Variants in CCDC14 observed in about 807,000 individuals in gnomAD.
CCDC14 encodes coiled-coil domain-containing protein 14.
In CCDC14, 71 loss-of-function variants were observed where a neutral mutation model predicts 81.4. The observed-to-expected ratio is 0.87, with a 90% CI of 0.72 to 1.06. CCDC14 has a LOEUF of 1.06. Among genes scored for constraint, CCDC14 ranks in the 50% least tolerant of loss-of-function variants. The pLI is 0.00. For synonymous variants in CCDC14, 332 were observed against 364.8 expected (o/e 0.91, Z 1.03); for missense variants, 1,046 against 1,047.3 (o/e 1.00, Z 0.02).
intron 9 of CCDC14, among the ~76,000 whole-genome samples, chr3:123,943,355 A>G (rs925777848): frequency 6.6e-6 from 1 of 152,028 alleles, no homozygotes; most frequent in African/African-American, 2.4e-5. Context: ...TAGGCCTCAG[A>G]AGCAGGCCTC....
chr3:123,922,500 T>C (rs2035111893), intron 12 of CCDC14, among the ~76,000 whole-genome samples: 2 of 151,938 alleles, frequency 1.3e-5, no homozygotes. Flanking sequence ...GAGAGAAGAC[T>C]TAAATGAATC....
downstream of CCDC14, among the ~76,000 whole-genome samples, chr3:123,909,964 CATG>C: frequency 6.6e-6 from 1 of 152,282 alleles, no homozygotes. Flanking sequence ...TCAGTTTCCA[CATG>C]ATAATTTTCA....
intron 12 of CCDC14, among the ~76,000 whole-genome samples, chr3:123,916,314 T>C (rs574066469): frequency 1.3e-5 from 2 of 152,156 alleles, no homozygotes; most frequent in South Asian, 4.2e-4. Flanking sequence ...GGTTTATTCT[T>C]GAGCAGCACT....
chr3:123,898,812 T>A (rs2034122632), intron 5 of CCDC14, among the ~76,000 whole-genome samples: 1 of 151,982 alleles, frequency 6.6e-6, no homozygotes, highest in Non-Finnish European at 1.5e-5. Flanking sequence ...CTCGGCCTCC[T>A]GAGTAGCTGC....
chr3:123,901,738 G>GA (rs1056396874), intron 5 of CCDC14, among the ~76,000 whole-genome samples: 5 of 152,184 alleles, frequency 3.3e-5, no homozygotes, highest in South Asian at 2.1e-4. Flanking sequence ...CAATGTGTCT[G>GA]AAAAAATCTT....
intron 12 of CCDC14, among the ~76,000 whole-genome samples, chr3:123,918,032 T>C (rs529762828): frequency 6.6e-6 from 1 of 152,300 alleles, no homozygotes; most frequent in Non-Finnish European, 1.5e-5. Flanking sequence ...TATTTATTGA[T>C]AGGAAAATGT....
At chr3:123,923,976 A>AC in intron 12 of CCDC14, among the ~76,000 whole-genome samples, 1 of 151,310 alleles carries the variant, frequency 6.6e-6, no homozygotes, top group Non-Finnish European at 1.5e-5. Context: ...TTAAAAAAAA[A>AC]AAAACCCTTG....
Position 123,915,158 on chromosome 3 carries a change from G to A in CCDC14, c.2339C>T (p.Pro780Leu). The A allele has an allele frequency of 1.2e-6, 2 of 1,613,892 alleles. No homozygotes were observed. The highest frequency in any genetic ancestry group is 2.2e-5 in the South Asian group (2 of 91,062). The change falls in exon 13 of 13, where the codon CCT becomes CTT. Residue 780 changes from proline (P) to leucine (L), a missense_variant. Physicochemically the swap from Pro to Leu is moderately conservative, Grantham distance 98. Transcript: ENST00000409697. The stretch of plus-strand genomic sequence containing the variant: ...CTTTGTTGAAGAGGAACAGATTACA[G>A]GTGTACACAGTTTATTTTCTTTTCC... ...VSGKENKLCT[P>L]VICSSSTKEA...
Position 123,956,768 on chromosome 3 carries a change from G to T in CCDC14, c.58C>A (p.Pro20Thr). 1 of 1,546,536 alleles carries T rather than the reference G, an allele frequency of 6.5e-7. No homozygotes were observed. The highest frequency in any genetic ancestry group is 8.7e-7 in the Non-Finnish European group (1 of 1,143,210). ...QVLSSGRHTG[P>T]AKLTNGKKAT... ...TTCTTTCCATTTGTTAATTTAGCAG[G>T]TCCAGTGTGCCTTCCTGAAGATAAC... Residue 20 changes from proline to threonine, a missense_variant, in exon 2 of 13, where the codon CCT becomes ACT. Pro to Thr is a conservative substitution (Grantham distance 38). Coordinates refer to ENST00000409697, the MANE Select transcript of CCDC14 (RefSeq NM_001366335.1).
intron 5 of CCDC14, chr3:123,955,626 C>T (rs963763082): frequency 2.7e-6 from 1 of 365,864 alleles, no homozygotes; most frequent in Non-Finnish European, 4.8e-6. Context: ...CCTACAAAAC[C>T]CTGACAGTCT....
chr3:123,944,776 G>C (rs2036536935), intron 9 of CCDC14, 73 bp downstream of exon 9: 3 of 1,180,614 alleles, frequency 2.5e-6, no homozygotes. Flanking sequence ...TCCTAGGTAT[G>C]TCATTTGCAC....
At chr3:123,933,822 G>T in intron 9 of CCDC14, 67 bp from the exon 10 acceptor site, 2 of 1,037,954 alleles carry the variant, frequency 1.9e-6, no homozygotes, top group Non-Finnish European at 2.9e-6. Context: ...ACATGTGATA[G>T]CCTATCAAAA....
intron 12 of CCDC14, among the ~76,000 whole-genome samples, chr3:123,920,405 T>C (rs576034691): frequency 6.6e-6 from 1 of 151,588 alleles, no homozygotes; most frequent in East Asian, 1.9e-4. Flanking sequence ...CGCTCAGAGG[T>C]CTCCAATCCA....
intron 5 of CCDC14, among the ~76,000 whole-genome samples, chr3:123,904,628 A>G (rs994213329): frequency 6.6e-6 from 1 of 151,642 alleles, no homozygotes; most frequent in African/African-American, 2.4e-5. Flanking sequence ...AAAAGAAAAA[A>G]AAAAAAACCC....
chr3:123,931,354 A>C lies in CCDC14; in HGVS notation c.1599T>G (p.Leu533=). Residue 533 remains leucine (L), a synonymous_variant, in exon 11 of 13, where the codon CTT becomes CTG. Transcript: ENST00000409697. The stretch of plus-strand genomic sequence containing the variant: ...CAATATCATATTGCTGTTTATTTTC[A>C]AGTATAGTTTGATCTTTGTCTTTAA... ...SIFKDKDQTI[L]ENKQQYDIEI... The C allele has an allele frequency of 6.6e-7, 1 of 1,522,674 alleles. No homozygotes were observed. Among genetic ancestry groups the C allele is most frequent in the Non-Finnish European group, 8.9e-7 (1 of 1,120,958 alleles). The allele number at this position is 1,522,674 out of a possible 1,614,324, so 94.3% of individuals were successfully genotyped here.
intron 5 of CCDC14, among the ~76,000 whole-genome samples, chr3:123,901,767 C>G (rs1009437453): frequency 6.6e-6 from 1 of 152,038 alleles, no homozygotes; most frequent in African/African-American, 2.4e-5. Flanking sequence ...TATATTCATA[C>G]AAAGGATCAC....
At chr3:123,932,065 T>C (rs948039376) in intron 10 of CCDC14, among the ~76,000 whole-genome samples, 4 of 152,208 alleles carry the variant, frequency 2.6e-5, no homozygotes, top group African/African-American at 7.2e-5. Flanking sequence ...TAAAAGTATA[T>C]GGCACCATTT....
At chr3:123,922,850 G>A (rs2035133715) in intron 12 of CCDC14, among the ~76,000 whole-genome samples, 1 of 151,990 alleles carries the variant, frequency 6.6e-6, no homozygotes, top group South Asian at 2.1e-4. Context: ...CAAAGTGCAG[G>A]GAATTTTTCC....
Position 123,914,507 on chromosome 3 carries a change from GAA to G in CCDC14, c.*270_*271del. The G allele has an allele frequency of 4.7e-6, 5 of 1,064,726 alleles. No individual in the cohort carries two copies. The highest frequency in any genetic ancestry group is 4.5e-6 in the Non-Finnish European group (4 of 881,600). 66.0% of individuals were successfully genotyped at this position (1,064,726 alleles called of 1,614,324 possible). A position where few individuals can be genotyped will look rare whatever the true frequency, so the allele number is the denominator to read the frequency against. ...ATCCAGCAGATACATCTTAATAAAAGAACTCTAATTGCTAAGTACTGAAATAA... is the reference window on the plus strand; with the variant it reads ...ATCCAGCAGATACATCTTAATAAAAGCTCTAATTGCTAAGTACTGAAATAA... On this transcript the variant is annotated 3_prime_UTR_variant, in exon 13 of 13. Transcript: ENST00000409697.
Sources: allele counts gnomAD v4.1 joint callset (sites outside exome capture counted in the v4.1 genomes callset), GRCh38; gene constraint gnomAD v4.1.1; transcripts MANE v1.5; gene names NCBI Gene and HGNC (gene_info 2026-07-23, HGNC 2026-07-21).